The following CHIC2 variants were observed in gnomAD, a reference collection of about 807,000 sequenced individuals.
The protein encoded by CHIC2 is cysteine-rich hydrophobic domain-containing protein 2.
CHIC2 carries 14 observed loss-of-function variants against 25.9 expected under a neutral mutation model. The observed-to-expected ratio is 0.54, with a 90% CI of 0.36 to 0.85. The LOEUF (loss-of-function observed/expected upper bound fraction) is 0.85. Among genes scored for constraint, CHIC2 ranks in the 40% least tolerant of loss-of-function variants. The pLI, the probability that CHIC2 is intolerant of heterozygous loss-of-function variation, is 0.01. For synonymous variants in CHIC2, 70 were observed against 72.0 expected, an observed-to-expected ratio of 0.97 and a Z score of 0.14; for missense variants, 146 against 202.0, an observed-to-expected ratio of 0.72 and a Z score of 1.68.
At chr4:54,062,396 T>C (rs972214848) in intron 1 of CHIC2, among the ~76,000 whole-genome samples, 45 of 152,238 alleles carry the variant, frequency 3.0e-4, no homozygotes, top group African/African-American at 1.0e-3. Context: ...TCACTTAGTA[T>C]TTGGCCTTCA....
intron 3 of CHIC2, among the ~76,000 whole-genome samples, chr4:54,030,537 A>C (rs76258177): frequency 2.1e-5 from 3 of 139,854 alleles, no homozygotes; most frequent in Non-Finnish European, 3.0e-5. Context: ...AAAAAAAAAA[A>C]ATATATATAT....
chr4:54,060,134 T>C (rs1231911074), intron 1 of CHIC2: 1 of 152,246 alleles, frequency 6.6e-6, no homozygotes, highest in Non-Finnish European at 1.5e-5. Flanking sequence ...AATTTTTTAC[T>C]AACTCTACCA....
chr4:54,009,875 T>C lies in CHIC2; in HGVS notation c.*220A>G, dbSNP rs796066865. On this transcript the variant is annotated 3_prime_UTR_variant, in exon 6 of 6. Coordinates refer to ENST00000263921, the MANE Select transcript of CHIC2 (RefSeq NM_012110.4). ...GAATACATAACAGAAAAGAGCACAA[T>C]AACTTAAGTATTAAACATCTGTATG... is the stretch of plus-strand genomic sequence containing the variant. 49 of 382,468 alleles carry C rather than the reference T, an allele frequency of 1.3e-4. No individual in the cohort carries two copies. In the East Asian group the frequency reaches 1.9e-3, roughly 15 times the overall value. 23.7% of individuals were successfully genotyped at this position (382,468 alleles called of 1,614,324 possible).
the CHIC2 span, among the ~76,000 whole-genome samples, chr4:54,084,780 A>T: frequency 6.6e-6 from 1 of 151,818 alleles, no homozygotes; most frequent in Non-Finnish European, 1.5e-5. Context: ...GAAAGCAAAA[A>T]ATTAGAGTAT....
chr4:54,059,591 A>C (rs1376730207), intron 1 of CHIC2: 1 of 152,044 alleles, frequency 6.6e-6, no homozygotes, highest in Non-Finnish European at 1.5e-5. Flanking sequence ...GTTATAAAAA[A>C]AAAATCTACC....
chr4:54,041,293 A>G (rs928655001), intron 3 of CHIC2, among the ~76,000 whole-genome samples: 3 of 152,012 alleles, frequency 2.0e-5, no homozygotes, highest in East Asian at 1.9e-4. Context: ...TTCTAACCAC[A>G]TAAGAGGATT....
intron 3 of CHIC2, among the ~76,000 whole-genome samples, chr4:54,043,131 C>T (rs934037458): frequency 1.3e-5 from 2 of 151,962 alleles, no homozygotes; most frequent in African/African-American, 2.4e-5. Context: ...GGCATAGAAA[C>T]CCTGTCTCGG....
intron 3 of CHIC2, among the ~76,000 whole-genome samples, chr4:54,020,781 C>T (rs1715872807): frequency 6.6e-6 from 1 of 152,204 alleles, no homozygotes; most frequent in Non-Finnish European, 1.5e-5. Context: ...GGACCCAAAA[C>T]TCTGGCGCCA....
At chr4:54,088,493 A>G in the CHIC2 span, among the ~76,000 whole-genome samples, 3 of 152,226 alleles carry the variant, frequency 2.0e-5, no homozygotes, top group Non-Finnish European at 4.4e-5. Context: ...GAAAGACCTA[A>G]AGGTGAGGAA....
Position 54,009,860 on chromosome 4 carries a change from C to A in CHIC2, c.*235G>T. 5.6e-6 allele frequency: 2 copies of A among 354,270 alleles called. No homozygotes were observed. The allele number at this position is 354,270 out of a possible 1,614,324, so 21.9% of individuals were successfully genotyped here. On this transcript the variant is annotated 3_prime_UTR_variant, in exon 6 of 6. Transcript: ENST00000263921. ...AATCCTTGAAAATCAGAATACATAA[C>A]AGAAAAGAGCACAATAACTTAAGTA...
chr4:54,068,103 C>T (rs1371760095), upstream of CHIC2, among the ~76,000 whole-genome samples: 2 of 151,986 alleles, frequency 1.3e-5, no homozygotes, highest in African/African-American at 4.8e-5. Context: ...GGGGACACAG[C>T]AAGAAGACAG....
intron 4 of CHIC2, 44 bp downstream of exon 4, chr4:54,014,019 A>G (rs751621602): frequency 7.6e-5 from 122 of 1,603,936 alleles, no homozygotes; most frequent in Non-Finnish European, 1.0e-4. Flanking sequence ...CATACTGTGC[A>G]ATTCAGACCC....
the CHIC2 span, chr4:54,086,945 G>C: frequency 7.2e-6 from 5 of 692,350 alleles, no homozygotes; most frequent in East Asian, 1.4e-4. Flanking sequence ...AGAAAGCCGG[G>C]TTCTCAATCT....
rs545957631 is a variant in CHIC2 at position 54,044,122 on chromosome 4, C to T, written c.330+4833G>A. 2.6e-5 allele frequency among the ~76,000 whole-genome samples: 4 copies of T among 152,268 alleles called. No homozygotes were observed. The South Asian group carries it at 8.3e-4, about 32-fold the overall frequency. On this transcript the variant is annotated intron_variant, in intron 3 of 5. Coordinates refer to ENST00000263921, the MANE Select transcript of CHIC2 (RefSeq NM_012110.4). ...GAACTAACTATCCTAAATATACATG[C>T]ACCCAATACAGGAGCACCCAGACTC... is the stretch of plus-strand genomic sequence containing the variant.
intron 3 of CHIC2, among the ~76,000 whole-genome samples, chr4:54,025,400 C>G (rs1016228763): frequency 6.6e-6 from 1 of 152,098 alleles, no homozygotes; most frequent in African/African-American, 2.4e-5. Context: ...ACTGCCTATC[C>G]CAAAATCTGT....
the CHIC2 span, among the ~76,000 whole-genome samples, chr4:54,072,068 G>T: frequency 6.6e-6 from 1 of 151,858 alleles, no homozygotes; most frequent in Non-Finnish European, 1.5e-5. Flanking sequence ...GCCAAGGCGG[G>T]CGAATCACGA....
chr4:54,020,945 G>A (rs1715877975), intron 3 of CHIC2, among the ~76,000 whole-genome samples: 1 of 152,084 alleles, frequency 6.6e-6, no homozygotes, highest in African/African-American at 2.4e-5. Context: ...GTCAATTGCG[G>A]GGATGCCTGC....
In CHIC2 at chr4:54,064,482, C is replaced by T. The variant is rs950597125; in HGVS notation, c.-182G>A. The stretch of plus-strand genomic sequence containing the variant: ...GGGGATGGGGTCTGGACCGTCGCCG[C>T]CACCGCCGCCGCCATTACCATCAGC... On this transcript the variant is annotated 5_prime_UTR_variant, in exon 1 of 6. Coordinates refer to ENST00000263921, the MANE Select transcript of CHIC2 (RefSeq NM_012110.4). The surrounding 1 kb of genome is among the most constrained non-coding windows in gnomAD (Gnocchi z 4.2). 6.2e-6 allele frequency: 9 copies of T among 1,444,856 alleles called. No individual in the cohort carries two copies. In the Admixed American group the frequency reaches 8.6e-5, roughly 14 times the overall value. 89.5% of individuals were successfully genotyped at this position (1,444,856 alleles called of 1,614,324 possible). A position where few individuals can be genotyped will look rare whatever the true frequency, so the allele number is the denominator to read the frequency against.
At chr4:54,064,600 GAAACCACAGC>G in exon 1 of CHIC2, 1 of 1,224,468 alleles carries the variant, frequency 8.2e-7, no homozygotes, top group East Asian at 4.3e-5. This position sits in a 1 kb window ranked among gnomAD's most constrained non-coding sequence, Gnocchi z 4.2. Context: ...AGCAACTCAG[GAAACCACAGC>G]AACAGCCCGA....
Sources: gnomAD v4.1 joint callset for allele counts (sites outside exome capture counted in the v4.1 genomes callset) on GRCh38, gnomAD v4.1.1 for gene constraint, Gnocchi (gnomAD v3.1) non-coding constraint, MANE v1.5 for transcripts, NCBI Gene and HGNC (gene_info 2026-07-23, HGNC 2026-07-21) for gene names.